Variants in RBFOX3 observed in about 807,000 individuals in gnomAD.
RBFOX3 encodes RNA binding fox-1 homolog 3, also known as RNA binding protein fox-1 homolog 3.
In RBFOX3, 17 loss-of-function variants were observed where a neutral mutation model predicts 48.7. That is an observed-to-expected ratio of 0.35 (90% CI 0.24 to 0.52). The LOEUF is 0.52. Among genes scored for constraint, RBFOX3 ranks in the 20% least tolerant of loss-of-function variants. The probability of loss-of-function intolerance (pLI) is 0.94; values close to 1 mark genes in which losing one functional copy is unlikely to be tolerated. For synonymous variants in RBFOX3, 212 were observed against 209.5 expected (o/e 1.01, Z -0.10); for missense variants, 382 against 497.5 (o/e 0.77, Z 2.21).
At chr17:79,411,448 G>A (rs528415041) in intron 2 of RBFOX3, among the ~76,000 whole-genome samples, 32 of 152,240 alleles carry the variant, frequency 2.1e-4, no homozygotes, top group African/African-American at 6.3e-4. Context: ...CCTGGGGAGC[G>A]TGTTCAGCCT....
chr17:79,202,854 C>T (rs2056967415), intron 4 of RBFOX3, among the ~76,000 whole-genome samples: 1 of 152,254 alleles, frequency 6.6e-6, no homozygotes, highest in South Asian at 2.1e-4. Context: ...CTTAATACCA[C>T]TGTGTGGGGC....
chr17:79,625,874 T>TGGCTGA, the RBFOX3 span, among the ~76,000 whole-genome samples: 1 of 152,134 alleles, frequency 6.6e-6, no homozygotes, highest in Non-Finnish European at 1.5e-5. Flanking sequence ...CAGACGGGGG[T>TGGCTGA]GGCTGCGGCC....
chr17:79,649,364 C>T, the RBFOX3 span, among the ~76,000 whole-genome samples: 1 of 152,220 alleles, frequency 6.6e-6, no homozygotes, highest in Non-Finnish European at 1.5e-5. Context: ...TCCTGACTCA[C>T]CCAACAACTT....
chr17:79,136,142 G>C (rs569141560), intron 4 of RBFOX3: 1 of 152,310 alleles, frequency 6.6e-6, no homozygotes, highest in South Asian at 2.1e-4. Context: ...AGACGTGACA[G>C]CACCTTCGCC....
At chr17:79,312,112 G>A (rs547647213) in intron 2 of RBFOX3, among the ~76,000 whole-genome samples, 14 of 152,152 alleles carry the variant, frequency 9.2e-5, no homozygotes, top group East Asian at 7.7e-4. Flanking sequence ...GTAACTAATC[G>A]TTTTCTGAAT....
the RBFOX3 span, among the ~76,000 whole-genome samples, chr17:79,650,097 T>C: frequency 6.6e-6 from 1 of 152,118 alleles, no homozygotes; most frequent in Non-Finnish European, 1.5e-5. Context: ...CCAAACCATA[T>C]CAGTGCCTGT....
chr17:79,168,698 C>T lies in RBFOX3; in HGVS notation c.-33-52950G>A, dbSNP rs529754213. 2.1e-3 allele frequency among the ~76,000 whole-genome samples: 322 copies of T among 152,342 alleles called. 3 individuals are homozygous for T. The highest frequency in any genetic ancestry group is 4.9e-4 in the Non-Finnish European group (33 of 68,018). ...TGCCACCTTGGACAGGCCAGCCGCA[C>T]GGGGCTGCGGCCTCTCTGCGGGTGG... On this transcript the variant is annotated intron_variant, in intron 4 of 14. Coordinates refer to ENST00000693108, the MANE Select transcript of RBFOX3 (RefSeq NM_001350451.2).
chr17:79,621,868 C>T, the RBFOX3 span, among the ~76,000 whole-genome samples: 1 of 150,980 alleles, frequency 6.6e-6, no homozygotes, highest in African/African-American at 2.4e-5. Flanking sequence ...TGAAGACACA[C>T]ACATCATACA....
intron 1 of RBFOX3, among the ~76,000 whole-genome samples, chr17:79,509,278 G>A (rs926217621): frequency 0.24 from 36,665 of 152,078 alleles, 4,816 homozygotes; most frequent in Non-Finnish European, 0.3. Flanking sequence ...CAGCGTGGGT[G>A]GCTGTCTCTC....
chr17:79,375,958 G>A (rs2059175700), intron 2 of RBFOX3, among the ~76,000 whole-genome samples: 1 of 152,246 alleles, frequency 6.6e-6, no homozygotes, highest in African/African-American at 2.4e-5. Context: ...TTCCCTCACA[G>A]TGTGGAGCAG....
At chr17:79,256,080 G>A (rs2064798840) in intron 3 of RBFOX3, among the ~76,000 whole-genome samples, 1 of 151,818 alleles carries the variant, frequency 6.6e-6, no homozygotes, top group African/African-American at 2.4e-5. Flanking sequence ...GGGAGGGGCT[G>A]ACCTAGCAGT....
intron 6 of RBFOX3, 98 bp downstream of exon 6, chr17:79,106,553 G>T: frequency 1.5e-6 from 2 of 1,355,696 alleles, no homozygotes; most frequent in South Asian, 1.8e-5. Context: ...CAGGAAACCC[G>T]GGGGAACAGG....
At chr17:79,387,436 C>T (rs2060708760) in intron 2 of RBFOX3, among the ~76,000 whole-genome samples, 1 of 152,234 alleles carries the variant, frequency 6.6e-6, no homozygotes, top group Non-Finnish European at 1.5e-5. Context: ...AGTCCCAGGT[C>T]TTTTAAAAGC....
At position 79,272,022 on chromosome 17, in the gene RBFOX3, G is replaced by C. The variant is rs4789988; in HGVS notation, c.-74+35702C>G. 0.014 allele frequency among the ~76,000 whole-genome samples: 2,059 copies of C among 152,354 alleles called. 91 individuals carry two copies. The East Asian group carries it at 0.16, about 12-fold the overall frequency. Reference sequence around the variant, plus strand: ...TCAAAATAGCCCGCTGGGTGGGCCTGGTTAGGGCCATCTCCCTTTTCGGGG... The same window carrying C: ...TCAAAATAGCCCGCTGGGTGGGCCTCGTTAGGGCCATCTCCCTTTTCGGGG... On this transcript the variant is annotated intron_variant, in intron 3 of 14. Coordinates refer to ENST00000693108, the MANE Select transcript of RBFOX3 (RefSeq NM_001350451.2).
intron 1 of RBFOX3, among the ~76,000 whole-genome samples, chr17:79,555,608 T>C (rs1339983749): frequency 2.1e-3 from 1 of 482 alleles, no homozygotes; most frequent in Non-Finnish European, 5.4e-3. Context: ...ATGGTGGTGA[T>C]GGCGGTGGTG....
At chr17:79,618,281 A>T in the RBFOX3 span, among the ~76,000 whole-genome samples, 1 of 152,216 alleles carries the variant, frequency 6.6e-6, no homozygotes, top group Middle Eastern at 3.2e-3. Flanking sequence ...GTCTCCGGGA[A>T]CAGGCGCCGC....
the RBFOX3 span, among the ~76,000 whole-genome samples, chr17:79,620,407 A>ACG: frequency 6.7e-6 from 1 of 149,188 alleles, no homozygotes; most frequent in Non-Finnish European, 1.5e-5. Context: ...ACATGCACAC[A>ACG]CACGGACATG....
rs910700620 is a variant in RBFOX3, at chr17:79,390,797, G to A, written c.-174-82973C>T. Among the ~76,000 whole-genome samples, 5 of 152,190 alleles carry A rather than the reference G, an allele frequency of 3.3e-5. No homozygotes were observed. Among genetic ancestry groups the A allele is most frequent in the African/African-American group, 7.2e-5 (3 of 41,442 alleles). On this transcript the variant is annotated intron_variant, in intron 2 of 14. Transcript: ENST00000693108. This position sits in a 1 kb window ranked among gnomAD's most constrained non-coding sequence, Gnocchi z 4.2. ...TTCAGGGTGGGGATCCTGGCAGTGGGAAACTGGAGGAGCGCATGGAGCATC... is the reference window on the plus strand; with the variant it reads ...TTCAGGGTGGGGATCCTGGCAGTGGAAAACTGGAGGAGCGCATGGAGCATC...
At chr17:79,293,853 A>C (rs1600469041) in intron 3 of RBFOX3, among the ~76,000 whole-genome samples, 2 of 152,336 alleles carry the variant, frequency 1.3e-5, no homozygotes, top group Admixed American at 6.5e-5. Flanking sequence ...AGCCAGATGA[A>C]GGAGAAGAGA....
Sources: allele counts gnomAD v4.1 joint callset (sites outside exome capture counted in the v4.1 genomes callset), GRCh38; gene constraint gnomAD v4.1.1; non-coding constraint Gnocchi (gnomAD v3.1); transcripts MANE v1.5; gene names NCBI Gene and HGNC (gene_info 2026-07-23, HGNC 2026-07-21).